The following LGR4 variants were observed in gnomAD, a reference collection of about 807,000 sequenced individuals.
The protein encoded by LGR4 is leucine-rich repeat-containing G protein-coupled receptor 4.
Under a neutral mutation model 84.8 loss-of-function variants are expected in LGR4, and 44 were observed. That is an observed-to-expected ratio of 0.52 (90% CI 0.41 to 0.67). LGR4 has a LOEUF of 0.67. Among genes scored for constraint, LGR4 ranks in the 30% least tolerant of loss-of-function variants. The probability of loss-of-function intolerance (pLI) is 0.00; values close to 1 mark genes in which losing one functional copy is unlikely to be tolerated. For synonymous variants in LGR4, 429 were observed against 434.3 expected (o/e 0.99, Z 0.15); for missense variants, 1,032 against 1,131.4 (o/e 0.91, Z 1.26).
At position 27,412,915 on chromosome 11, in the gene LGR4, A is replaced by C. The variant is rs1863738429; in HGVS notation, c.186-55T>G. 7 of 1,201,400 alleles carry C rather than the reference A, an allele frequency of 5.8e-6. No homozygotes were observed. The Admixed American group carries it at 8.7e-5, about 15-fold the overall frequency. 74.4% of individuals were successfully genotyped at this position (1,201,400 alleles called of 1,614,324 possible). On this transcript the variant is annotated intron_variant, in intron 1 of 17. Transcript: ENST00000379214. ...AATTAAGTGGTATGAAGCTTAAAGT[A>C]TTTAATCCAACAGAAAACTAACTAG...
intron 1 of LGR4, among the ~76,000 whole-genome samples, chr11:27,461,318 C>T (rs1026139046): frequency 1.1e-4 from 16 of 147,052 alleles, no homozygotes; most frequent in Admixed American, 4.1e-4. Flanking sequence ...GCCTGGACAA[C>T]AAAATGAGAT....
intron 1 of LGR4, chr11:27,471,633 C>T (rs1864874400): frequency 6.6e-6 from 1 of 152,388 alleles, no homozygotes; most frequent in Non-Finnish European, 1.5e-5. Flanking sequence ...TGCTGGAACC[C>T]AGGAGGCTCC....
chr11:27,451,034 G>T (rs1864473012), intron 1 of LGR4, among the ~76,000 whole-genome samples: 1 of 152,020 alleles, frequency 6.6e-6, no homozygotes, highest in African/African-American at 2.4e-5. Context: ...CTATTTCTAG[G>T]ACTCCTTACA....
intron 1 of LGR4, among the ~76,000 whole-genome samples, chr11:27,443,432 C>G (rs550908755): frequency 6.6e-6 from 1 of 152,322 alleles, no homozygotes; most frequent in East Asian, 1.9e-4. Context: ...TATATCAAAA[C>G]AGCTTCAGCA....
chr11:27,424,810 G>A (rs956601747), intron 1 of LGR4, among the ~76,000 whole-genome samples: 5 of 152,114 alleles, frequency 3.3e-5, no homozygotes, highest in Admixed American at 1.3e-4. Context: ...GTGCAATGGC[G>A]CGATCTCAGC....
intron 2 of LGR4, among the ~76,000 whole-genome samples, chr11:27,396,705 T>C (rs1417982139): frequency 6.6e-6 from 1 of 152,210 alleles, no homozygotes; most frequent in African/African-American, 2.4e-5. Context: ...CAGGACCTAT[T>C]GGCTGCCCTC....
Position 27,385,439 on chromosome 11 carries a change from A to G in LGR4, c.431T>C (p.Val144Ala). The G allele has an allele frequency of 6.2e-7, 1 of 1,608,814 alleles. No homozygotes were observed. The highest frequency in any genetic ancestry group is 1.3e-5 in the African/African-American group (1 of 74,956). The change falls in exon 5 of 18, where the codon GTC (valine) becomes GCC (alanine). Residue 144 changes from valine to alanine, a missense_variant. Coordinates refer to ENST00000379214, the MANE Select transcript of LGR4 (RefSeq NM_018490.5). Reference protein sequence around the residue: ...LRLDANHITSVPEDSFEGLVQ... With the variant: ...LRLDANHITSAPEDSFEGLVQ... ...AAGTCCTTCAAAACTGTCCTCGGGG[A>G]CTGAGGTAATATGGTTGGCATCTAA...
Position 27,369,069 on chromosome 11 carries a change from CA to C in LGR4, c.1653del (p.Ala552HisfsTer10). 2.5e-6 allele frequency: 4 copies of C among 1,613,776 alleles called. No homozygotes were observed. Among genetic ancestry groups the C allele is most frequent in the Non-Finnish European group, 3.4e-6 (4 of 1,179,920 alleles). Reference sequence around the variant, plus strand: ...ATAACAAGCAGGTTGAAAAATAATGCAACCAAGAAAATGAACCACACAGTAA... The same window carrying C: ...ATAACAAGCAGGTTGAAAAATAATGCACCAAGAAAATGAACCACACAGTAA... ...IRLTVWFIFL[V>X]ALFFNLLVIL... On this transcript the variant is annotated frameshift_variant, in exon 18 of 18. Coordinates refer to ENST00000379214, the MANE Select transcript of LGR4 (RefSeq NM_018490.5). LOFTEE classifies it low-confidence loss of function (END_TRUNC).
At position 27,472,083 on chromosome 11, in the gene LGR4, T is replaced by TC. The variant is rs200956245; in HGVS notation, c.185+34dup. ...GCGCCCCCCGCTGGGCCCCGTTTCCTCCCCCCCCCTCGCGTCCCCGCCGCC... is the reference window on the plus strand; with the variant it reads ...GCGCCCCCCGCTGGGCCCCGTTTCCTCCCCCCCCCCTCGCGTCCCCGCCGCC... On this transcript the variant is annotated intron_variant, in intron 1 of 17. Coordinates refer to ENST00000379214, the MANE Select transcript of LGR4 (RefSeq NM_018490.5). The TC allele has an allele frequency of 5.2e-3, 5,219 of 1,004,234 alleles. 124 individuals carry two copies. The African/African-American group carries it at 0.064, about 12-fold the overall frequency. The allele number at this position is 1,004,234 out of a possible 1,614,324, so 62.2% of individuals were successfully genotyped here.
chr11:27,367,856 C>T lies in LGR4; in HGVS notation c.*11G>A, dbSNP rs2447996. ...TTGGTTGACGGGGGAAACGGTTACA[C>T]ACACAGTAGTTCAGTCTTTAACTCT... On this transcript the variant is annotated 3_prime_UTR_variant, in exon 18 of 18. Coordinates refer to ENST00000379214, the MANE Select transcript of LGR4 (RefSeq NM_018490.5). The T allele has an allele frequency of 0.052, 80,431 of 1,559,114 alleles. 2,378 individuals are homozygous for T. The highest frequency in any genetic ancestry group is 0.061 in the Non-Finnish European group (70,169 of 1,157,176).
intron 17 of LGR4, among the ~76,000 whole-genome samples, chr11:27,371,046 CCAGATTAT>C (rs1862874327): frequency 6.6e-6 from 1 of 152,098 alleles, no homozygotes; most frequent in Non-Finnish European, 1.5e-5. Flanking sequence ...AAATTAATGT[CCAGATTAT>C]CCTGTGATAT....
chr11:27,385,117 A>G lies in LGR4; in HGVS notation c.617+136T>C, dbSNP rs1180522904. On this transcript the variant is annotated intron_variant, in intron 5 of 17. Coordinates refer to ENST00000379214, the MANE Select transcript of LGR4 (RefSeq NM_018490.5). ...ATTATCCTATTCTGTTTAATATTGT[A>G]CAAAAGCAGCTCCCAAAGCACTAAC... The G allele has an allele frequency of 1.2e-5, 7 of 605,916 alleles. No individual in the cohort carries two copies. In the African/African-American group the frequency reaches 1.3e-4, roughly 11 times the overall value. 37.5% of individuals were successfully genotyped at this position (605,916 alleles called of 1,614,324 possible).
At chr11:27,448,077 A>G (rs1452498415) in intron 1 of LGR4, among the ~76,000 whole-genome samples, 1 of 152,192 alleles carries the variant, frequency 6.6e-6, no homozygotes, top group African/African-American at 2.4e-5. Flanking sequence ...AAAACTACTT[A>G]TGTATGAAAT....
At chr11:27,436,535 C>T (rs1864214986) in intron 1 of LGR4, among the ~76,000 whole-genome samples, 1 of 152,018 alleles carries the variant, frequency 6.6e-6, no homozygotes, top group South Asian at 2.1e-4. Context: ...TTTCACTTGG[C>T]TTGGTGAAAA....
At chr11:27,434,539 C>CA (rs1351514959) in intron 1 of LGR4, among the ~76,000 whole-genome samples, 2 of 152,054 alleles carry the variant, frequency 1.3e-5, no homozygotes, top group African/African-American at 4.8e-5. Flanking sequence ...AACTGTATCA[C>CA]AAAAAATAAC....
intron 11 of LGR4, 120 bp downstream of exon 11, chr11:27,378,577 A>AACAATT: frequency 2.8e-6 from 2 of 724,440 alleles, no homozygotes; most frequent in Non-Finnish European, 4.8e-6. Context: ...CCTTTACAAC[A>AACAATT]ACTAAGAAGT....
chr11:27,465,382 G>A (rs1289092926), intron 1 of LGR4, among the ~76,000 whole-genome samples: 2 of 152,162 alleles, frequency 1.3e-5, no homozygotes, highest in African/African-American at 4.8e-5. Context: ...GAGCTTTTCT[G>A]ACAATTAAAA....
rs1863001204 is a variant in LGR4 at position 27,377,216 on chromosome 11, A to T, written c.1051T>A (p.Ser351Thr). 9 of 1,540,708 alleles carry T rather than the reference A, an allele frequency of 5.8e-6. No individual in the cohort carries two copies. In the East Asian group the frequency reaches 2.0e-4, roughly 35 times the overall value. The stretch of plus-strand genomic sequence containing the variant: ...GGAAGGTCTCTTATATTATTGTAAG[A>T]CAAGTCCCTTAAAACAATGGAAATT... ...EQKMLRTLDL[S>T]YNNIRDLPSF... The change falls in exon 12 of 18, where the codon TCT (serine) becomes ACT (threonine). Residue 351 changes from serine (S) to threonine (T), a missense_variant. Coordinates refer to ENST00000379214, the MANE Select transcript of LGR4 (RefSeq NM_018490.5).
At chr11:27,448,275 G>A (rs1201624028) in intron 1 of LGR4, among the ~76,000 whole-genome samples, 1 of 149,384 alleles carries the variant, frequency 6.7e-6, no homozygotes, top group East Asian at 2.0e-4. Context: ...CAGAGTTTCA[G>A]TTGTTCTTTT....
Sources: allele counts gnomAD v4.1 joint callset (sites outside exome capture counted in the v4.1 genomes callset), GRCh38; gene constraint gnomAD v4.1.1; transcripts MANE v1.5; gene names NCBI Gene and HGNC (gene_info 2026-07-23, HGNC 2026-07-21).